Variants in FARP1 observed in about 807,000 individuals in gnomAD.
FARP1 encodes the protein FERM, ARH/RhoGEF and pleckstrin domain protein 1, also known as FERM, ARHGEF and pleckstrin domain-containing protein 1.
FARP1 carries 52 observed loss-of-function variants against 128.8 expected under a neutral mutation model. The observed-to-expected ratio is 0.40, with a 90% CI of 0.32 to 0.51. The LOEUF is 0.51. FARP1 is among the 20% of genes least tolerant of loss of function. The pLI, the probability that FARP1 is intolerant of heterozygous loss-of-function variation, is 0.45. For missense variants in FARP1, 1,333 were observed against 1,367.9 expected (o/e 0.97, Z 0.40); for synonymous variants, 580 against 551.8 (o/e 1.05, Z -0.72).
rs956179432 is a variant in FARP1 at position 98,303,930 on chromosome 13, A to G, written c.172-39832A>G. Among the ~76,000 whole-genome samples, 8 of 152,318 alleles carry G rather than the reference A, an allele frequency of 5.3e-5. 1 individual carries two copies. The highest frequency in any genetic ancestry group is 1.3e-4 in the Admixed American group (2 of 15,298). On this transcript the variant is annotated intron_variant, in intron 2 of 26. Transcript: ENST00000319562. ...TTAATTTATGCCTCTTTGATTAGAAAGTTCCATTCATCAGAGTTCACTCGT... is the reference window on the plus strand; with the variant it reads ...TTAATTTATGCCTCTTTGATTAGAAGGTTCCATTCATCAGAGTTCACTCGT...
chr13:98,276,780 TC>T (rs2139603582), intron 2 of FARP1, among the ~76,000 whole-genome samples: 1 of 152,250 alleles, frequency 6.6e-6, no homozygotes, highest in African/African-American at 2.4e-5. Flanking sequence ...TCCATTGCTT[TC>T]CCCAAGACCA....
At chr13:98,200,432 T>C (rs1375548784) in intron 1 of FARP1, among the ~76,000 whole-genome samples, 2 of 136,440 alleles carry the variant, frequency 1.5e-5, no homozygotes, top group Non-Finnish European at 3.1e-5. Flanking sequence ...TGAGCTGGGC[T>C]GAGATGAAGA....
intron 2 of FARP1, among the ~76,000 whole-genome samples, chr13:98,242,343 T>G (rs1882818957): frequency 6.6e-6 from 1 of 152,296 alleles, no homozygotes; most frequent in South Asian, 2.1e-4. Context: ...ATAGGAAACT[T>G]ATTTCAGAGG....
At chr13:98,229,047 C>A (rs1375861097) in intron 2 of FARP1, among the ~76,000 whole-genome samples, 1 of 152,198 alleles carries the variant, frequency 6.6e-6, no homozygotes, top group African/African-American at 2.4e-5. Context: ...TAGCATCTCC[C>A]TGCTGCTCTA....
At chr13:98,171,591 A>C (rs182864895) in intron 1 of FARP1, among the ~76,000 whole-genome samples, 280 of 152,328 alleles carry the variant, frequency 1.8e-3, no homozygotes, top group African/African-American at 6.6e-3. Flanking sequence ...GCATGTGGTT[A>C]ATCTGCCATG....
intron 9 of FARP1, 179 bp from the exon 10 acceptor site, chr13:98,389,778 C>A: frequency 1.7e-6 from 1 of 575,850 alleles, no homozygotes; most frequent in Non-Finnish European, 3.0e-6. Flanking sequence ...GGACTAGGGA[C>A]CACATCTTGT....
At chr13:98,208,802 C>T (rs143371542) in intron 1 of FARP1, among the ~76,000 whole-genome samples, 1 of 152,264 alleles carries the variant, frequency 6.6e-6, no homozygotes, top group South Asian at 2.1e-4. Context: ...TTCTGATTTG[C>T]TGACCTCAGG....
chr13:98,336,250 CGTTT>C (rs1162894104), intron 2 of FARP1, among the ~76,000 whole-genome samples: 14 of 151,870 alleles, frequency 9.2e-5, no homozygotes, highest in South Asian at 2.1e-4. Flanking sequence ...TGTTTTTGTT[CGTTT>C]GTTTGTTTGT....
Position 98,200,308 on chromosome 13 carries a change from C to G in FARP1, c.-23-12912C>G, listed in dbSNP as rs138406151. Among the ~76,000 whole-genome samples, 777 of 151,908 alleles carry G rather than the reference C, an allele frequency of 5.1e-3. 4 individuals are homozygous for G. The highest frequency in any genetic ancestry group is 7.8e-3 in the Non-Finnish European group (528 of 67,988). ...CAACTGTCATTTTAGCTAATCTTTA[C>G]GGAGACCCTCAGAAGTGGAGCAGGA... On this transcript the variant is annotated intron_variant, in intron 1 of 26. Coordinates refer to ENST00000319562, the MANE Select transcript of FARP1 (RefSeq NM_005766.4).
intron 2 of FARP1, among the ~76,000 whole-genome samples, chr13:98,337,181 A>G (rs949692931): frequency 6.6e-5 from 10 of 152,156 alleles, no homozygotes; most frequent in Non-Finnish European, 2.9e-5. Flanking sequence ...AGCCTGGGCA[A>G]CATAGCAAGA....
At chr13:98,190,739 T>TG (rs1729348548) in intron 1 of FARP1, among the ~76,000 whole-genome samples, 1 of 151,350 alleles carries the variant, frequency 6.6e-6, no homozygotes, top group Non-Finnish European at 1.5e-5. Context: ...TTAAGTTTTT[T>TG]TTTTTTTTTT....
intron 2 of FARP1, among the ~76,000 whole-genome samples, chr13:98,299,739 C>CA (rs1885846031): frequency 2.0e-5 from 3 of 152,184 alleles, no homozygotes; most frequent in Non-Finnish European, 1.5e-5. Context: ...GGAAAATAAA[C>CA]AGTAACAAAA....
At position 98,411,909 on chromosome 13, in the gene FARP1, G is replaced by C; in HGVS notation, c.1701G>C (p.Gln567His). The change falls in exon 16 of 27, where the codon CAG (glutamine) becomes CAC (histidine). Residue 567 changes from glutamine (Q) to histidine (H), a missense_variant. Gln to His is a conservative substitution (Grantham distance 24). Around this residue, in one of 2 missense-constraint regions of FARP1, gnomAD observed 1,009 missense variants for 969.8 expected, o/e 1.04. Coordinates refer to ENST00000319562, the MANE Select transcript of FARP1 (RefSeq NM_005766.4). The stretch of plus-strand genomic sequence containing the variant: ...CGTCTTCTTCTTTCCAGTGGTTTCA[G>C]AGCACAGTGAGCAAAGAGGACGCCA... ...KDLEVITSWFQSTVSKEDAMP... is the reference protein window; with the variant it reads ...KDLEVITSWFHSTVSKEDAMP... 3.1e-6 allele frequency: 5 copies of C among 1,614,128 alleles called. No individual in the cohort carries two copies. The highest frequency in any genetic ancestry group is 4.2e-6 in the Non-Finnish European group (5 of 1,179,988).
intron 6 of FARP1, among the ~76,000 whole-genome samples, chr13:98,379,558 G>C (rs1393482111): frequency 2.6e-5 from 4 of 151,964 alleles, no homozygotes; most frequent in Non-Finnish European, 2.9e-5. Flanking sequence ...AAATTAAATG[G>C]TAGCATACAC....
chr13:98,446,676 C>A lies in FARP1; in HGVS notation c.2915C>A (p.Pro972His). 1.2e-6 allele frequency: 2 copies of A among 1,614,106 alleles called. No individual in the cohort carries two copies. The highest frequency in any genetic ancestry group is 1.1e-5 in the South Asian group (1 of 91,064). Reference sequence around the variant, plus strand: ...GTTTCCCCTTTCCAGGACAATCATCCCCTTGCCAGCCTGCCTCTGCTCGGC... The same window carrying A: ...GTTTCCCCTTTCCAGGACAATCATCACCTTGCCAGCCTGCCTCTGCTCGGC... ...FFYKSHQDNHPLASLPLLGYS... is the reference protein window; with the variant it reads ...FFYKSHQDNHHLASLPLLGYS... The change falls in exon 26 of 27, where the codon CCC becomes CAC. Residue 972 changes from proline (P) to histidine (H), a missense_variant. Pro to His is a moderately conservative substitution (Grantham distance 77). Around this residue, in one of 2 missense-constraint regions of FARP1, gnomAD observed 1,009 missense variants for 969.8 expected, o/e 1.04. Coordinates refer to ENST00000319562, the MANE Select transcript of FARP1 (RefSeq NM_005766.4).
intron 2 of FARP1, among the ~76,000 whole-genome samples, chr13:98,337,588 T>TGTGTGTGTG (rs1566893935): frequency 1.1e-4 from 16 of 147,166 alleles, no homozygotes; most frequent in South Asian, 8.6e-4. Flanking sequence ...TGTGTGTGTG[T>TGTGTGTGTG]TTTGAAATAA....
intron 2 of FARP1, among the ~76,000 whole-genome samples, chr13:98,290,755 A>G (rs1885411443): frequency 6.6e-6 from 1 of 152,168 alleles, no homozygotes; most frequent in South Asian, 2.1e-4. Context: ...TTTTGACAGT[A>G]GAGCTGACAA....
chr13:98,224,658 G>C (rs1428348549), intron 2 of FARP1, among the ~76,000 whole-genome samples: 1 of 152,014 alleles, frequency 6.6e-6, no homozygotes, highest in Non-Finnish European at 1.5e-5. Flanking sequence ...CCTTGCCAGG[G>C]ACTCCCATTT....
intron 2 of FARP1, among the ~76,000 whole-genome samples, chr13:98,266,051 T>TC (rs2139560574): frequency 6.6e-6 from 1 of 152,108 alleles, no homozygotes; most frequent in Admixed American, 6.5e-5. Flanking sequence ...CGCTTTTTTT[T>TC]CCCATTTTTT....
Sources: gnomAD v4.1 joint callset for allele counts (sites outside exome capture counted in the v4.1 genomes callset) on GRCh38, gnomAD v4.1.1 for gene constraint, gnomAD v4.1.1 regional missense constraint, MANE v1.5 for transcripts, NCBI Gene and HGNC (gene_info 2026-07-23, HGNC 2026-07-21) for gene names.